SLC30A7: variants seen among roughly 807,000 people sequenced by gnomAD.
SLC30A7 encodes the protein zinc transporter 7.
Under a neutral mutation model 46.0 loss-of-function variants are expected in SLC30A7, and 35 were observed. The observed-to-expected ratio is 0.76, with a 90% CI of 0.58 to 1.01. SLC30A7 has a LOEUF of 1.01. Among genes scored for constraint, SLC30A7 ranks in the 50% least tolerant of loss-of-function variants. The pLI, the probability that SLC30A7 is intolerant of heterozygous loss-of-function variation, is 0.00. For missense variants in SLC30A7, 464 were observed against 451.1 expected (o/e 1.03, Z -0.26); for synonymous variants, 147 against 157.8 (o/e 0.93, Z 0.51).
chr1:100,929,711 G>C (rs1653553238), intron 8 of SLC30A7, among the ~76,000 whole-genome samples: 1 of 151,646 alleles, frequency 6.6e-6, no homozygotes, highest in Admixed American at 6.6e-5. Context: ...CTTAGAAAAA[G>C]ACAGGTTTTT....
intron 8 of SLC30A7, among the ~76,000 whole-genome samples, chr1:100,953,440 G>T (rs1211796075): frequency 2.0e-5 from 3 of 152,146 alleles, no homozygotes; most frequent in African/African-American, 7.2e-5. Flanking sequence ...TACCTGAATG[G>T]TAATTCATTC....
At chr1:100,937,464 G>GT (rs1156606136) in intron 8 of SLC30A7, among the ~76,000 whole-genome samples, 3 of 151,952 alleles carry the variant, frequency 2.0e-5, no homozygotes, top group Admixed American at 6.6e-5. Flanking sequence ...TTTTGTTTTT[G>GT]TTTTTATTTT....
chr1:100,917,146 T>C (rs1652615525), intron 6 of SLC30A7, among the ~76,000 whole-genome samples: 1 of 152,234 alleles, frequency 6.6e-6, no homozygotes, highest in African/African-American at 2.4e-5. Flanking sequence ...AAAACCTTGC[T>C]TTTCCAACTT....
chr1:100,910,493 TTTA>T (rs1652013208), intron 3 of SLC30A7, among the ~76,000 whole-genome samples: 1 of 152,108 alleles, frequency 6.6e-6, no homozygotes, highest in African/African-American at 2.4e-5. Flanking sequence ...TTATGCTAGA[TTTA>T]TTAATCTTAG....
the SLC30A7 span, among the ~76,000 whole-genome samples, chr1:100,994,295 A>G: frequency 6.6e-6 from 1 of 152,196 alleles, no homozygotes; most frequent in Non-Finnish European, 1.5e-5. Flanking sequence ...AAGTTTTCCA[A>G]TAACAGAGTA....
At chr1:100,992,045 C>A in the SLC30A7 span, among the ~76,000 whole-genome samples, 1 of 151,570 alleles carries the variant, frequency 6.6e-6, no homozygotes, top group Non-Finnish European at 1.5e-5. Flanking sequence ...CTGCAATGAG[C>A]TGAGATAGTG....
chr1:100,897,410 C>G (rs1387760915), intron 2 of SLC30A7, among the ~76,000 whole-genome samples: 1 of 152,094 alleles, frequency 6.6e-6, no homozygotes, highest in Non-Finnish European at 1.5e-5. Context: ...GCTAACAAGA[C>G]TGTCACACTC....
rs1255608770 is a variant in SLC30A7 at position 100,974,974 on chromosome 1, T to G, written c.*117T>G. 2 of 738,382 alleles carry G rather than the reference T, an allele frequency of 2.7e-6. No homozygotes were observed. The highest frequency in any genetic ancestry group is 3.6e-5 in the African/African-American group (2 of 56,296). 45.7% of individuals were successfully genotyped at this position (738,382 alleles called of 1,614,324 possible). On this transcript the variant is annotated 3_prime_UTR_variant, in exon 11 of 11. Transcript: ENST00000357650. ...AATTATCACTACAACTCCCGAGCACTAAGTAGACGGGGTAGAGTCAGCCGT... is the reference window on the plus strand; with the variant it reads ...AATTATCACTACAACTCCCGAGCACGAAGTAGACGGGGTAGAGTCAGCCGT...
chr1:100,947,924 C>T (rs147369326), intron 8 of SLC30A7, among the ~76,000 whole-genome samples: 5,824 of 152,030 alleles, frequency 0.038, 383 homozygotes, highest in African/African-American at 0.13. Context: ...CATCCCTTTA[C>T]TTTGAGCCGA....
chr1:100,983,622 T>A (rs532278942), downstream of SLC30A7, among the ~76,000 whole-genome samples: 184 of 152,356 alleles, frequency 1.2e-3, 1 homozygote, highest in Non-Finnish European at 1.8e-3. Context: ...TTAAAGTGAA[T>A]AGTACTCTTT....
At position 100,896,112 on chromosome 1, in the gene SLC30A7, G is replaced by T; in HGVS notation, c.-151G>T. On this transcript the variant is annotated 5_prime_UTR_variant, in exon 1 of 11. Transcript: ENST00000357650. ...GCCGGAAGTAAGCGAATTCCCGGGT[G>T]TGTGTCTGTGTCTGTCTGTGTCTCG... 1.5e-6 allele frequency: 1 copy of T among 674,616 alleles called. No individual in the cohort carries two copies. Among genetic ancestry groups the T allele is most frequent in the Non-Finnish European group, 2.7e-6 (1 of 376,938 alleles). 41.8% of individuals were successfully genotyped at this position (674,616 alleles called of 1,614,324 possible).
intron 9 of SLC30A7, among the ~76,000 whole-genome samples, chr1:100,965,080 AG>A (rs961837678): frequency 6.6e-6 from 1 of 152,212 alleles, no homozygotes; most frequent in Non-Finnish European, 1.5e-5. Flanking sequence ...GAACTGAAAA[AG>A]ATCTTATTGT....
chr1:100,922,377 C>T (rs1169193379), intron 8 of SLC30A7, among the ~76,000 whole-genome samples: 1 of 152,006 alleles, frequency 6.6e-6, no homozygotes, highest in Non-Finnish European at 1.5e-5. Flanking sequence ...TAATTCAAAT[C>T]AATAGTAATT....
chr1:100,958,517 GT>G (rs1293147723), intron 8 of SLC30A7, among the ~76,000 whole-genome samples: 1 of 152,070 alleles, frequency 6.6e-6, no homozygotes, highest in African/African-American at 2.4e-5. Context: ...TTCTGTTTCT[GT>G]TTTTCTTCAT....
chr1:100,942,700 A>G (rs924578149), intron 8 of SLC30A7, among the ~76,000 whole-genome samples: 1 of 152,260 alleles, frequency 6.6e-6, no homozygotes, highest in Non-Finnish European at 1.5e-5. Flanking sequence ...TATTAGGGTT[A>G]TAGCATTTTC....
chr1:100,928,491 A>G (rs1460224676), intron 8 of SLC30A7, among the ~76,000 whole-genome samples: 1 of 152,160 alleles, frequency 6.6e-6, no homozygotes, highest in Admixed American at 6.5e-5. Context: ...ATGTTGACAA[A>G]GAAACTTGGT....
intron 8 of SLC30A7, among the ~76,000 whole-genome samples, chr1:100,940,697 G>A (rs947971287): frequency 1.3e-5 from 2 of 152,002 alleles, no homozygotes; most frequent in Admixed American, 6.6e-5. Context: ...TGTCATGATC[G>A]GACTATAACA....
intron 6 of SLC30A7, among the ~76,000 whole-genome samples, chr1:100,915,189 TTTC>T (rs759615324): frequency 6.0e-5 from 5 of 82,910 alleles, no homozygotes; most frequent in Non-Finnish European, 1.3e-4. Flanking sequence ...TTTTCTTTTC[TTTC>T]TTTTCTTTCT....
At chr1:100,897,924 AC>A (rs1435285302) in intron 2 of SLC30A7, among the ~76,000 whole-genome samples, 1 of 152,186 alleles carries the variant, frequency 6.6e-6, no homozygotes, top group Non-Finnish European at 1.5e-5. Flanking sequence ...TAGTATTAAC[AC>A]ACTTTAATAT....
Sources: gnomAD v4.1 joint callset for allele counts (sites outside exome capture counted in the v4.1 genomes callset) on GRCh38, gnomAD v4.1.1 for gene constraint, MANE v1.5 for transcripts, NCBI Gene and HGNC (gene_info 2026-07-23, HGNC 2026-07-21) for gene names.